STAT6: variants seen among roughly 807,000 people sequenced by gnomAD.
STAT6 encodes STAT, interleukin4-induced.
Under a neutral mutation model 106.3 loss-of-function variants are expected in STAT6, and 45 were observed. The ratio of observed to expected loss-of-function variants is 0.42; its 90% CI spans 0.33 to 0.54. The LOEUF (loss-of-function observed/expected upper bound fraction) is 0.54, where lower values mean the gene tolerates loss of function less well. Among genes scored for constraint, STAT6 ranks in the 20% least tolerant of loss-of-function variants. The pLI is 0.06. For missense variants in STAT6, 797 were observed against 1,062.2 expected (o/e 0.75, Z 3.47); for synonymous variants, 413 against 413.6 (o/e 1.00, Z 0.02).
chr12:57,107,622 G>A lies in STAT6; in HGVS notation c.238C>T (p.His80Tyr). The A allele has an allele frequency of 1.2e-6, 2 of 1,613,856 alleles. No homozygotes were observed. The highest frequency in any genetic ancestry group is 2.2e-5 in the East Asian group (1 of 44,856). The part of the protein sequence containing the change: ...EQGEGSTILQ[H>Y]ISTLESIYQR... ...TGCCCCACCTCAAGGGTGCTGATGT[G>A]TTGCAAGATGGTGCTCCCCTCCCCC... The change falls in exon 3 of 22, where the codon CAC (histidine) becomes TAC (tyrosine). Residue 80 changes from histidine to tyrosine, a missense_variant. Around this residue, in one of 4 missense-constraint regions of STAT6, gnomAD observed 336 missense variants for 429.8 expected, o/e 0.78. Coordinates refer to ENST00000300134, the MANE Select transcript of STAT6 (RefSeq NM_003153.5).
intron 13 of STAT6, chr12:57,100,700 G>GAAAGAAAAGAGAA (rs1273811060): frequency 1.6e-5 from 1 of 62,936 alleles, no homozygotes; most frequent in East Asian, 4.7e-4. Flanking sequence ...AAGAAAGAAA[G>GAAAGAAAAGAGAA]AGAAAGAAAG....
intron 13 of STAT6, among the ~76,000 whole-genome samples, chr12:57,100,641 AAAGAAAG>A (rs1222954268): frequency 1.2e-5 from 1 of 80,580 alleles, no homozygotes; most frequent in African/African-American, 5.0e-5. Flanking sequence ...AGAGAAAGAG[AAAGAAAG>A]AAAGAAAGAA....
intron 19 of STAT6, 116 bp from the exon 20 acceptor site, chr12:57,097,249 T>C: frequency 1.3e-6 from 1 of 795,780 alleles, no homozygotes; most frequent in Non-Finnish European, 1.9e-6. Flanking sequence ...GACTTAGTCA[T>C]GGCCTGGGCA....
intron 9 of STAT6, 60 bp from the exon 10 acceptor site, chr12:57,104,873 G>A: frequency 1.3e-6 from 2 of 1,576,422 alleles, no homozygotes; most frequent in Non-Finnish European, 1.7e-6. Context: ...TGTGGCGAGT[G>A]CATGGGTGAG....
At position 57,106,837 on chromosome 12, in the gene STAT6, C is replaced by T. The variant is rs765983362; in HGVS notation, c.340-6G>A. ...GGCATTGGCAAGTGGCGGAACTACA[C>T]AGGAAGGACAGATGCCAAGAAGTGA... On this transcript the variant is annotated splice_region_variant and splice_polypyrimidine_tract_variant and intron_variant, in intron 4 of 21. Transcript: ENST00000300134. 1 of 1,613,344 alleles carries T rather than the reference C, an allele frequency of 6.2e-7. No homozygotes were observed. Among genetic ancestry groups the T allele is most frequent in the Non-Finnish European group, 8.5e-7 (1 of 1,180,004 alleles).
In STAT6 at chr12:57,096,513, G is replaced by C. The variant is rs2033435245; in HGVS notation, c.*59C>G. On this transcript the variant is annotated 3_prime_UTR_variant, in exon 22 of 22. Transcript: ENST00000300134. ...TTGGCAGGGCATGAGCAAGTGTCCA[G>C]AGCAGGTCTGTGGGGGTAGTAGAAG... 14 of 1,491,174 alleles carry C rather than the reference G, an allele frequency of 9.4e-6. No homozygotes were observed. Among genetic ancestry groups the C allele is most frequent in the Non-Finnish European group, 1.3e-5 (14 of 1,107,810 alleles). 92.4% of individuals were successfully genotyped at this position (1,491,174 alleles called of 1,614,324 possible).
rs745745288 is a variant in STAT6 at position 57,102,357 on chromosome 12, A to G, written c.1445T>C (p.Phe482Ser). 6.2e-7 allele frequency: 1 copy of G among 1,614,166 alleles called. No individual in the cohort carries two copies. Among genetic ancestry groups the G allele is most frequent in the Non-Finnish European group, 8.5e-7 (1 of 1,180,024 alleles). ...EHFLFLAQKI[F>S]NDNSLSMEAF... The stretch of plus-strand genomic sequence containing the variant: ...CTCCATACTGAGGCTGTTGTCATTG[A>G]AGATCTTCTGGGCCAGGAAGAGGAA... Residue 482 changes from phenylalanine (F) to serine (S), a missense_variant, in exon 13 of 22, where the codon TTC becomes TCC. This residue lies in a region of STAT6 where 222 missense variants were observed against 354.6 expected (regional missense o/e 0.63). Transcript: ENST00000300134.
intron 19 of STAT6, 25 bp from the exon 20 acceptor site, chr12:57,097,158 G>C: frequency 2.0e-6 from 3 of 1,501,192 alleles, no homozygotes; most frequent in Non-Finnish European, 1.8e-6. Flanking sequence ...AGCACAGTTA[G>C]AGGAAGGCAG....
Position 57,107,294 on chromosome 12 carries a change from G to T in STAT6, c.276C>A (p.Pro92=), listed in dbSNP as rs1314289775. 1.9e-6 allele frequency: 3 copies of T among 1,614,088 alleles called. No individual in the cohort carries two copies. Among genetic ancestry groups the T allele is most frequent in the Non-Finnish European group, 2.5e-6 (3 of 1,179,992 alleles). Residue 92 remains proline, a synonymous_variant, in exon 4 of 22, where the codon CCC becomes CCA. Transcript: ENST00000300134. ...GTCTGAAAGTGGCCACCAGCTTCAG[G>T]GGGTCCCTCTGATATATGCTCTACA... ...STLESIYQRD[P]LKLVATFRQI...
At chr12:57,102,172 C>A in intron 13 of STAT6, 118 bp downstream of exon 13, 1 of 1,146,204 alleles carries the variant, frequency 8.7e-7, no homozygotes, top group Non-Finnish European at 1.3e-6. Flanking sequence ...TCCTAAAGGA[C>A]CTGAGGGGGC....
chr12:57,098,737 T>G, intron 18 of STAT6, 55 bp downstream of exon 18: 2 of 1,581,600 alleles, frequency 1.3e-6, no homozygotes, highest in Non-Finnish European at 1.7e-6. Flanking sequence ...CTGCCCATGC[T>G]AAGATTAGCC....
Position 57,105,573 on chromosome 12 carries a change from G to C in STAT6, c.707C>G (p.Ser236Cys). The C allele has an allele frequency of 6.2e-7, 1 of 1,613,932 alleles. No individual in the cohort carries two copies. Among genetic ancestry groups the C allele is most frequent in the East Asian group, 2.2e-5 (1 of 44,884 alleles). Residue 236 changes from serine to cysteine, a missense_variant, in exon 8 of 22, where the codon TCC becomes TGC. Around this residue, in one of 4 missense-constraint regions of STAT6, gnomAD observed 336 missense variants for 429.8 expected, o/e 0.78. Coordinates refer to ENST00000300134, the MANE Select transcript of STAT6 (RefSeq NM_003153.5). ...CGCCCCTACCTCCTGCTGTAGCTGG[G>C]AATAAATGTCCACCAGGCTTTCACA... ...ERCESLVDIYSQLQQEVGAAG... is the reference protein window; with the variant it reads ...ERCESLVDIYCQLQQEVGAAG...
At chr12:57,105,988 G>A in intron 7 of STAT6, 4 of 832,758 alleles carry the variant, frequency 4.8e-6, no homozygotes, top group East Asian at 2.7e-5. Flanking sequence ...ATGAGTCCCC[G>A]CTTGTGCCCC....
Position 57,106,645 on chromosome 12 carries a change from A to G in STAT6, c.478+48T>C, listed in dbSNP as rs202213704. 3.7e-3 allele frequency: 5,906 copies of G among 1,613,346 alleles called. 19 individuals are homozygous for G. The highest frequency in any genetic ancestry group is 4.7e-3 in the Non-Finnish European group (5,593 of 1,179,440). On this transcript the variant is annotated intron_variant, in intron 5 of 21. Coordinates refer to ENST00000300134, the MANE Select transcript of STAT6 (RefSeq NM_003153.5). ...AGAGGTTCAGATAAGGTTGAGATCC[A>G]AGAGGCAACCACTCCTACACACTCC... is the stretch of plus-strand genomic sequence containing the variant.
Position 57,107,311 on chromosome 12 carries a change from T to C in STAT6, c.259A>G (p.Ile87Val). ...AGCTTCAGGGGGTCCCTCTGATATA[T>C]GCTCTACAGAAATGAGGGTGGTAAA... ...ILQHISTLES[I>V]YQRDPLKLVA... Residue 87 changes from isoleucine to valine, a missense_variant, in exon 4 of 22, where the codon ATA becomes GTA. Ile to Val is a conservative substitution (Grantham distance 29). Transcript: ENST00000300134. 3.1e-6 allele frequency: 5 copies of C among 1,613,958 alleles called. No individual in the cohort carries two copies. Among genetic ancestry groups the C allele is most frequent in the Non-Finnish European group, 4.2e-6 (5 of 1,179,802 alleles).
chr12:57,098,816 C>T lies in STAT6; in HGVS notation c.2042G>A (p.Ser681Asn), dbSNP rs745600545. ...CACCATATCTGGGCCAAGCTGCATG[C>T]TCATGGAGGAATCAGGGGCCATTCC... ...DLGMAPDSSM[S>N]MQLGPDMVPQ... is the part of the protein sequence containing the mutation. The change falls in exon 18 of 22, where the codon AGC becomes AAC. Residue 681 changes from serine to asparagine, a missense_variant. Transcript: ENST00000300134. The T allele has an allele frequency of 6.2e-7, 1 of 1,613,786 alleles. No homozygotes were observed. The highest frequency in any genetic ancestry group is 1.7e-5 in the Admixed American group (1 of 59,874).
Position 57,096,495 on chromosome 12 carries a change from G to C in STAT6, c.*77C>G. Reference sequence around the variant, plus strand: ...ACCCTCCCCATCTGCTGCTTGGCAGGGCATGAGCAAGTGTCCAGAGCAGGT... The same window carrying C: ...ACCCTCCCCATCTGCTGCTTGGCAGCGCATGAGCAAGTGTCCAGAGCAGGT... On this transcript the variant is annotated 3_prime_UTR_variant, in exon 22 of 22. Transcript: ENST00000300134. 7.1e-7 allele frequency: 1 copy of C among 1,398,612 alleles called. No individual in the cohort carries two copies. The highest frequency in any genetic ancestry group is 9.7e-7 in the Non-Finnish European group (1 of 1,033,692). The allele number at this position is 1,398,612 out of a possible 1,614,324, so 86.6% of individuals were successfully genotyped here. A position where few individuals can be genotyped will look rare whatever the true frequency, so the allele number is the denominator to read the frequency against.
At chr12:57,101,099 T>G (rs1044538862) in intron 13 of STAT6, among the ~76,000 whole-genome samples, 2 of 140,562 alleles carry the variant, frequency 1.4e-5, no homozygotes, top group Non-Finnish European at 3.3e-5. Context: ...CTTTCTTTCT[T>G]TTTTTTTTTA....
At position 57,106,179 on chromosome 12, in the gene STAT6, C is replaced by A. The variant is rs975896770; in HGVS notation, c.680+12G>T. 1 of 1,613,566 alleles carries A rather than the reference C, an allele frequency of 6.2e-7. No individual in the cohort carries two copies. The highest frequency in any genetic ancestry group is 1.3e-5 in the African/African-American group (1 of 74,924). Reference sequence around the variant, plus strand: ...CAGCTTGCCCCCTCTTCCCCATCAGCCCTAGCCCAACCTCTCCTGGAGTGG... The same window carrying A: ...CAGCTTGCCCCCTCTTCCCCATCAGACCTAGCCCAACCTCTCCTGGAGTGG... On this transcript the variant is annotated intron_variant, in intron 7 of 21. Transcript: ENST00000300134.
Sources: allele counts gnomAD v4.1 joint callset (sites outside exome capture counted in the v4.1 genomes callset), GRCh38; gene constraint gnomAD v4.1.1; regional missense constraint gnomAD v4.1.1; transcripts MANE v1.5; gene names NCBI Gene and HGNC (gene_info 2026-07-23, HGNC 2026-07-21).